Variants in ERC2 observed in about 807,000 individuals in gnomAD.
The protein encoded by ERC2 is ERC protein 2.
A neutral mutation model predicts 114.8 loss-of-function variants in ERC2; 42 were observed. That is an observed-to-expected ratio of 0.37 (90% CI 0.29 to 0.47). ERC2 has a LOEUF of 0.47. ERC2 is among the 20% of genes least tolerant of loss of function. The pLI is 0.99. For synonymous variants in ERC2, 454 were observed against 425.5 expected, an observed-to-expected ratio of 1.07 and a Z score of -0.82; for missense variants, 939 against 1,150.7, an observed-to-expected ratio of 0.82 and a Z score of 2.66.
At position 56,375,692 on chromosome 3, in the gene ERC2, C is replaced by T. The variant is rs570619713; in HGVS notation, c.657+58659G>A. ...TTAAGGGTGCTGTGTTAGGCAGCTTCGTAAATTGTTCCTAATACTCTCCAC... is the reference window on the plus strand; with the variant it reads ...TTAAGGGTGCTGTGTTAGGCAGCTTTGTAAATTGTTCCTAATACTCTCCAC... On this transcript the variant is annotated intron_variant, in intron 2 of 17. Coordinates refer to ENST00000288221, the MANE Select transcript of ERC2 (RefSeq NM_015576.3). Among the ~76,000 whole-genome samples, 30 of 152,268 alleles carry T rather than the reference C, an allele frequency of 2.0e-4. 1 individual carries two copies. The highest frequency in any genetic ancestry group is 8.3e-4 in the South Asian group (4 of 4,822).
chr3:55,963,223 T>A (rs1006219748), intron 12 of ERC2, among the ~76,000 whole-genome samples: 3 of 152,324 alleles, frequency 2.0e-5, no homozygotes, highest in South Asian at 4.1e-4. Context: ...CTCAAGGTGA[T>A]CACCTTTTGA....
chr3:55,612,229 T>C (rs1002262213), intron 17 of ERC2, among the ~76,000 whole-genome samples: 1 of 152,192 alleles, frequency 6.6e-6, no homozygotes, highest in African/African-American at 2.4e-5. Flanking sequence ...CTTGTGAACA[T>C]GTTGTCTGTA....
chr3:56,025,184 C>T (rs1468252000), intron 7 of ERC2, among the ~76,000 whole-genome samples: 2 of 152,208 alleles, frequency 1.3e-5, no homozygotes, highest in South Asian at 4.1e-4. Context: ...GCCAAGGATG[C>T]TCCTTGAGTG....
At chr3:56,131,889 T>C (rs1406423355) in intron 6 of ERC2, among the ~76,000 whole-genome samples, 3 of 152,198 alleles carry the variant, frequency 2.0e-5, no homozygotes, top group African/African-American at 4.8e-5. Context: ...GACAGATATG[T>C]TAATTACCAT....
intron 14 of ERC2, among the ~76,000 whole-genome samples, chr3:55,776,270 GGTCTGTCTGC>G (rs1444977379): frequency 2.4e-4 from 37 of 152,026 alleles, no homozygotes; most frequent in Admixed American, 2.1e-3. Flanking sequence ...TCAAGAAGCG[GGTCTGTCTGC>G]ACACCATGGA....
chr3:56,207,229 G>T (rs151073069), intron 3 of ERC2, among the ~76,000 whole-genome samples: 74 of 150,816 alleles, frequency 4.9e-4, no homozygotes, highest in Non-Finnish European at 1.0e-3. Context: ...TCAAAACAAG[G>T]GATTATTTTT....
At chr3:56,380,290 G>C (rs763958455) in intron 2 of ERC2, among the ~76,000 whole-genome samples, 1 of 152,154 alleles carries the variant, frequency 6.6e-6, no homozygotes, top group Non-Finnish European at 1.5e-5. Context: ...ATAAGTGAAA[G>C]AGCTAGACAA....
intron 17 of ERC2, among the ~76,000 whole-genome samples, chr3:55,595,675 A>G (rs1334880356): frequency 6.6e-6 from 1 of 152,192 alleles, no homozygotes; most frequent in Non-Finnish European, 1.5e-5. Context: ...CAGTTTAAAA[A>G]CTGACAATTC....
chr3:55,531,292 T>A (rs2053648933), intron 17 of ERC2, among the ~76,000 whole-genome samples: 1 of 152,184 alleles, frequency 6.6e-6, no homozygotes, highest in African/African-American at 2.4e-5. Context: ...CAATTTGGAA[T>A]GAATTGATGC....
At chr3:56,424,410 A>C (rs1420417765) in intron 2 of ERC2, among the ~76,000 whole-genome samples, 2 of 152,214 alleles carry the variant, frequency 1.3e-5, no homozygotes, top group East Asian at 3.8e-4. Context: ...CCCTACCATT[A>C]GCCAAGTCTT....
intron 7 of ERC2, among the ~76,000 whole-genome samples, chr3:56,040,257 G>A (rs968712053): frequency 1.3e-5 from 2 of 152,014 alleles, no homozygotes; most frequent in African/African-American, 2.4e-5. Flanking sequence ...AGGACCACAA[G>A]GAGAAAGATA....
intron 17 of ERC2, among the ~76,000 whole-genome samples, chr3:55,547,285 G>A (rs996895999): frequency 7.2e-5 from 11 of 152,174 alleles, no homozygotes; most frequent in South Asian, 2.1e-4. Context: ...CCTCTACATC[G>A]GCCAGGTCTG....
intron 14 of ERC2, among the ~76,000 whole-genome samples, chr3:55,830,612 G>A (rs1020456616): frequency 9.2e-5 from 14 of 152,102 alleles, no homozygotes; most frequent in African/African-American, 3.1e-4. Flanking sequence ...ACTATGAAAG[G>A]TTAGGTACCT....
At chr3:56,106,476 G>A (rs1475665809) in intron 6 of ERC2, among the ~76,000 whole-genome samples, 2 of 152,214 alleles carry the variant, frequency 1.3e-5, no homozygotes, top group Non-Finnish European at 2.9e-5. Flanking sequence ...TCCTAGTGTT[G>A]AAGGGGGAGG....
At chr3:55,734,050 G>A (rs1343111714) in intron 15 of ERC2, among the ~76,000 whole-genome samples, 5 of 152,188 alleles carry the variant, frequency 3.3e-5, no homozygotes, top group African/African-American at 9.7e-5. Flanking sequence ...TACTTCAGGT[G>A]TAATTATTTC....
chr3:55,700,406 T>C (rs2063159584), intron 15 of ERC2, among the ~76,000 whole-genome samples: 1 of 152,238 alleles, frequency 6.6e-6, no homozygotes, highest in Non-Finnish European at 1.5e-5. Context: ...TTGCTGGTTA[T>C]GTGAACCTAA....
intron 1 of ERC2, among the ~76,000 whole-genome samples, chr3:56,448,970 G>A (rs2062707618): frequency 6.6e-6 from 1 of 151,594 alleles, no homozygotes; most frequent in Admixed American, 6.6e-5. Context: ...AGCTACTCGG[G>A]AGGCTGAGGC....
At chr3:55,702,444 A>G (rs2063273497) in intron 15 of ERC2, among the ~76,000 whole-genome samples, 1 of 152,132 alleles carries the variant, frequency 6.6e-6, no homozygotes, top group African/African-American at 2.4e-5. Flanking sequence ...ACTGTGACCG[A>G]TTTCTTACCG....
At chr3:55,712,875 T>C (rs892411977) in intron 15 of ERC2, among the ~76,000 whole-genome samples, 5 of 152,154 alleles carry the variant, frequency 3.3e-5, no homozygotes, top group East Asian at 3.9e-4. Context: ...CTGTACCCCA[T>C]TGCACAAGGT....
Sources: allele counts gnomAD v4.1 joint callset (sites outside exome capture counted in the v4.1 genomes callset), GRCh38; gene constraint gnomAD v4.1.1; transcripts MANE v1.5; gene names NCBI Gene and HGNC (gene_info 2026-07-23, HGNC 2026-07-21).